COL4A3: variants seen among roughly 807,000 people sequenced by gnomAD.
COL4A3 encodes collagen alpha-3(IV) chain.
Under a neutral mutation model 217.4 loss-of-function variants are expected in COL4A3, and 135 were observed. The ratio of observed to expected loss-of-function variants is 0.62; its 90% confidence interval spans 0.54 to 0.72. COL4A3 has a LOEUF of 0.72. Among genes scored for constraint, COL4A3 ranks in the 30% least tolerant of loss-of-function variants. COL4A3 has a pLI of 0.00. For synonymous variants in COL4A3, 690 were observed against 736.3 expected (o/e 0.94, Z 1.02); for missense variants, 1,868 against 2,119.9 (o/e 0.88, Z 2.33).
Position 227,253,169 on chromosome 2 carries a change from T to C in COL4A3, c.646-127T>C, listed in dbSNP as rs2069889125. ...GCTCTTCTCTAAGAAATAGCTAAAA[T>C]ATGTATCATTCTAAAATGAAAGTTA... On this transcript the variant is annotated intron_variant, in intron 11 of 51. Transcript: ENST00000396578. This position sits in a 1 kb window ranked among gnomAD's most constrained non-coding sequence, Gnocchi z 4.4. 3.8e-6 allele frequency: 3 copies of C among 790,870 alleles called. No individual in the cohort carries two copies. The South Asian group carries it at 4.9e-5, about 13-fold the overall frequency. 49.0% of individuals were successfully genotyped at this position (790,870 alleles called of 1,614,324 possible).
intron 1 of COL4A3, among the ~76,000 whole-genome samples, chr2:227,198,583 G>A (rs1039178242): frequency 1.3e-5 from 2 of 151,998 alleles, no homozygotes. Flanking sequence ...TTTTAAAAAT[G>A]TATTCATCTA....
At chr2:227,190,570 A>G (rs116589748) in intron 1 of COL4A3, among the ~76,000 whole-genome samples, 2,594 of 152,298 alleles carry the variant, frequency 0.017, 80 homozygotes, top group African/African-American at 0.059. Context: ...TTTGAGGTTG[A>G]AATGTATCAC....
chr2:227,304,533 G>GA (rs1253086524), intron 46 of COL4A3, among the ~76,000 whole-genome samples: 2 of 152,092 alleles, frequency 1.3e-5, no homozygotes, highest in Non-Finnish European at 2.9e-5. Flanking sequence ...AAAGTATTAG[G>GA]AAAAAATGAT....
intron 3 of COL4A3, among the ~76,000 whole-genome samples, chr2:227,242,805 T>C (rs1302381175): frequency 6.6e-6 from 1 of 152,250 alleles, no homozygotes; most frequent in East Asian, 1.9e-4. Context: ...ATCAAACTCT[T>C]GAAACCACAC....
chr2:227,224,584 C>T (rs2067985821), intron 1 of COL4A3, among the ~76,000 whole-genome samples: 1 of 152,136 alleles, frequency 6.6e-6, no homozygotes, highest in South Asian at 2.1e-4. Flanking sequence ...AACCCTGTCT[C>T]TACTAAAAAT....
chr2:227,294,397 T>C, intron 38 of COL4A3, 93 bp from the exon 39 acceptor site: 2 of 885,592 alleles, frequency 2.3e-6, no homozygotes, highest in South Asian at 1.3e-5. Flanking sequence ...AGCGTGAGCA[T>C]GGTTGACTAT....
chr2:227,284,428 C>T, intron 34 of COL4A3, 83 bp downstream of exon 34: 1 of 1,480,666 alleles, frequency 6.8e-7, no homozygotes. Flanking sequence ...GTTTGGTTGA[C>T]AAATAAGGAC....
rs939542821 is a variant in COL4A3 at position 227,188,739 on chromosome 2, C to T, written c.87+23926C>T. 3.3e-5 allele frequency among the ~76,000 whole-genome samples: 5 copies of T among 152,130 alleles called. No homozygotes were observed. The South Asian group carries it at 8.3e-4, about 25-fold the overall frequency. On this transcript the variant is annotated intron_variant, in intron 1 of 51. Transcript: ENST00000396578. ...TATATGGTATTATGTGTTGGGCTTG[C>T]CATATCATTTCCTAATTCATTAACT...
intron 1 of COL4A3, among the ~76,000 whole-genome samples, chr2:227,176,604 G>T (rs1469513966): frequency 1.3e-5 from 2 of 152,184 alleles, no homozygotes; most frequent in African/African-American, 4.8e-5. Context: ...TCTTAGAGAA[G>T]TGATCCCAGT....
chr2:227,260,955 A>T, intron 19 of COL4A3, 127 bp from the exon 20 acceptor site: 1 of 761,200 alleles, frequency 1.3e-6, no homozygotes. Flanking sequence ...TGTCTAGGTG[A>T]GAGTAGGAAA....
intron 28 of COL4A3, among the ~76,000 whole-genome samples, chr2:227,278,940 C>A (rs2071762621): frequency 6.6e-6 from 1 of 152,138 alleles, no homozygotes; most frequent in Non-Finnish European, 1.5e-5. Context: ...TGTGTTGACC[C>A]CTTTCTCAAG....
chr2:227,193,367 T>A (rs1188495117), intron 1 of COL4A3, among the ~76,000 whole-genome samples: 1 of 152,186 alleles, frequency 6.6e-6, no homozygotes, highest in Non-Finnish European at 1.5e-5. Context: ...AAGGAAGGAC[T>A]CAAGATCACA....
At chr2:227,209,421 C>T (rs1259638602) in intron 1 of COL4A3, among the ~76,000 whole-genome samples, 1 of 152,192 alleles carries the variant, frequency 6.6e-6, no homozygotes, top group East Asian at 1.9e-4. Context: ...GTATATCTTC[C>T]CCAACGGATT....
At chr2:227,274,968 A>C (rs1232968293) in intron 26 of COL4A3, among the ~76,000 whole-genome samples, 2 of 152,246 alleles carry the variant, frequency 1.3e-5, no homozygotes, top group Admixed American at 1.3e-4. Flanking sequence ...AAATTACATG[A>C]AATTCAAATT....
chr2:227,225,939 T>G (rs1157655432), intron 1 of COL4A3, among the ~76,000 whole-genome samples: 3 of 152,130 alleles, frequency 2.0e-5, no homozygotes, highest in African/African-American at 7.2e-5. Context: ...CTTGAACTCC[T>G]GACTTCAAGT....
chr2:227,310,701 A>G, intron 50 of COL4A3, 75 bp from the exon 51 acceptor site: 1 of 1,270,766 alleles, frequency 7.9e-7, no homozygotes. Flanking sequence ...CATTCATTCA[A>G]AAAAAAAAGT....
chr2:227,210,391 G>A (rs1035867245), intron 1 of COL4A3, among the ~76,000 whole-genome samples: 1 of 152,094 alleles, frequency 6.6e-6, no homozygotes, highest in Non-Finnish European at 1.5e-5. Context: ...AGAAGTTCAA[G>A]ACCAGCCTGG....
chr2:227,272,561 G>A (rs1462168832), intron 25 of COL4A3, among the ~76,000 whole-genome samples: 1 of 152,210 alleles, frequency 6.6e-6, no homozygotes, highest in Non-Finnish European at 1.5e-5. Flanking sequence ...AATACCTGGT[G>A]AAACCAGAAA....
At chr2:227,183,491 A>G (rs2065921698) in intron 1 of COL4A3, among the ~76,000 whole-genome samples, 1 of 152,308 alleles carries the variant, frequency 6.6e-6, no homozygotes, top group South Asian at 2.1e-4. Flanking sequence ...CAGAGGGCTC[A>G]TTGGAATTGC....
Sources: gnomAD v4.1 joint callset for allele counts (sites outside exome capture counted in the v4.1 genomes callset) on GRCh38, gnomAD v4.1.1 for gene constraint, Gnocchi (gnomAD v3.1) non-coding constraint, MANE v1.5 for transcripts, NCBI Gene and HGNC (gene_info 2026-07-23, HGNC 2026-07-21) for gene names.